DCP1A: variants seen among roughly 807,000 people sequenced by gnomAD.
DCP1A encodes decapping mRNA 1A.
A neutral mutation model predicts 58.0 loss-of-function variants in DCP1A; 20 were observed. That is an observed-to-expected ratio of 0.34 (90% confidence interval 0.24 to 0.50). The LOEUF is 0.50. DCP1A is among the 20% of genes least tolerant of loss of function. DCP1A has a pLI of 0.98. For missense variants in DCP1A, 613 were observed against 712.2 expected (o/e 0.86, Z 1.59); for synonymous variants, 285 against 275.1 (o/e 1.04, Z -0.36).
Position 53,285,786 on chromosome 3 carries a change from G to A in DCP1A, c.*1794C>T, listed in dbSNP as rs1026722944. On this transcript the variant is annotated 3_prime_UTR_variant, in exon 10 of 10. Transcript: ENST00000610213. ...GGTGCGTCCACTTTATGGAAGTCAC[G>A]TGGCTCCCTGGACACCATCTCCCGG... 3 of 152,064 alleles carry A rather than the reference G, an allele frequency of 2.0e-5. No individual in the cohort carries two copies. The highest frequency in any genetic ancestry group is 4.4e-5 in the Non-Finnish European group (3 of 68,022). 9.4% of individuals were successfully genotyped at this position (152,064 alleles called of 1,614,324 possible). A position where few individuals can be genotyped will look rare whatever the true frequency, so the allele number is the denominator to read the frequency against.
intron 2 of DCP1A, 96 bp from the exon 3 acceptor site, chr3:53,342,367 G>A (rs1404612081): frequency 1.0e-6 from 1 of 955,474 alleles, no homozygotes; most frequent in Non-Finnish European, 1.5e-6. Context: ...AAAAAAGAAT[G>A]CATTAGAACA....
intron 3 of DCP1A, among the ~76,000 whole-genome samples, chr3:53,336,845 G>GATTT (rs56054437): frequency 0.33 from 46,853 of 143,930 alleles, 7,888 homozygotes; most frequent in East Asian, 0.45. Flanking sequence ...CCAAAGCCCA[G>GATTT]ATTTATTTAT....
At position 53,312,230 on chromosome 3, in the gene DCP1A, G is replaced by C. The variant is rs1420569113; in HGVS notation, c.510+11C>G. On this transcript the variant is annotated intron_variant, in intron 5 of 9. Coordinates refer to ENST00000610213, the MANE Select transcript of DCP1A (RefSeq NM_018403.7). ...TCCCTGGTCAGCACCCAAGTACCCA[G>C]AGAGCCTCACCCTCTCATACTCATC... 5 of 1,578,146 alleles carry C rather than the reference G, an allele frequency of 3.2e-6. No individual in the cohort carries two copies. The highest frequency in any genetic ancestry group is 2.6e-6 in the Non-Finnish European group (3 of 1,161,936).
intron 3 of DCP1A, 115 bp from the exon 4 acceptor site, chr3:53,319,588 T>C (rs1178224635): frequency 2.0e-5 from 12 of 605,874 alleles, no homozygotes; most frequent in Admixed American, 5.9e-5. Flanking sequence ...GACCCTCAAA[T>C]TGTTAATACT....
intron 9 of DCP1A, 59 bp from the exon 10 acceptor site, chr3:53,287,719 C>T: frequency 7.9e-7 from 1 of 1,272,998 alleles, no homozygotes; most frequent in Non-Finnish European, 1.1e-6. Flanking sequence ...TCAGATTTTA[C>T]TTCCTTGGTA....
chr3:53,307,733 A>G (rs1055984387), intron 5 of DCP1A, among the ~76,000 whole-genome samples: 2 of 152,254 alleles, frequency 1.3e-5, no homozygotes, highest in Admixed American at 1.3e-4. Context: ...TAAAAATCTT[A>G]AAAACATAAA....
intron 3 of DCP1A, among the ~76,000 whole-genome samples, chr3:53,336,822 T>C (rs186200107): frequency 1.7e-3 from 253 of 152,114 alleles, no homozygotes; most frequent in Non-Finnish European, 3.4e-4. Context: ...TAGGAAGACA[T>C]CTTCCTTCTA....
intron 3 of DCP1A, among the ~76,000 whole-genome samples, chr3:53,332,789 C>A (rs551017245): frequency 6.6e-6 from 1 of 151,452 alleles, no homozygotes; most frequent in Non-Finnish European, 1.5e-5. Context: ...GGCGTGAACC[C>A]GGGTCGTGGA....
chr3:53,317,900 G>C (rs1311105078), intron 4 of DCP1A, among the ~76,000 whole-genome samples: 1 of 152,132 alleles, frequency 6.6e-6, no homozygotes, highest in Admixed American at 6.5e-5. Context: ...ACAAAGCAGG[G>C]GGCCGATAAC....
intron 3 of DCP1A, among the ~76,000 whole-genome samples, chr3:53,330,887 C>G (rs934507269): frequency 2.5e-5 from 3 of 118,000 alleles, no homozygotes; most frequent in Non-Finnish European, 4.8e-5. Flanking sequence ...GAGATGGAGT[C>G]TCGCTCTGTT....
intron 3 of DCP1A, among the ~76,000 whole-genome samples, chr3:53,329,693 T>C (rs1249027969): frequency 2.0e-5 from 3 of 152,226 alleles, no homozygotes; most frequent in African/African-American, 7.2e-5. Context: ...ATTCGGGAAA[T>C]GTCTGTGTTC....
chr3:53,290,115 A>G (rs1314950349), intron 8 of DCP1A, among the ~76,000 whole-genome samples: 1 of 152,168 alleles, frequency 6.6e-6, no homozygotes, highest in East Asian at 1.9e-4. Flanking sequence ...AAAGGCTCAA[A>G]GGAAAACAGA....
intron 9 of DCP1A, 136 bp downstream of exon 9, chr3:53,287,929 A>T: frequency 1.2e-6 from 1 of 860,970 alleles, no homozygotes; most frequent in Non-Finnish European, 1.8e-6. Flanking sequence ...TGCTGGGATT[A>T]CAGGTGTGAG....
chr3:53,286,924 A>T lies in DCP1A; in HGVS notation c.*656T>A, dbSNP rs1388620347. The stretch of plus-strand genomic sequence containing the variant: ...CCAGAGCCTGACAGTGCCCTATTCA[A>T]ATGGTAATGCTGCACTGGGGGCCTG... On this transcript the variant is annotated 3_prime_UTR_variant, in exon 10 of 10. Transcript: ENST00000610213. 1 of 152,290 alleles carries T rather than the reference A, an allele frequency of 6.6e-6. No individual in the cohort carries two copies. Among genetic ancestry groups the T allele is most frequent in the African/African-American group, 2.4e-5 (1 of 41,470 alleles). The allele number at this position is 152,290 out of a possible 1,614,324, so 9.4% of individuals were successfully genotyped here.
chr3:53,327,157 G>C (rs1332832451), intron 3 of DCP1A, among the ~76,000 whole-genome samples: 2 of 152,082 alleles, frequency 1.3e-5, no homozygotes, highest in African/African-American at 4.8e-5. Flanking sequence ...AGGTCAGATG[G>C]GGTGTAAAAA....
intron 2 of DCP1A, among the ~76,000 whole-genome samples, chr3:53,343,118 C>T (rs782095066): frequency 4.6e-5 from 7 of 152,126 alleles, no homozygotes; most frequent in Non-Finnish European, 8.8e-5. Flanking sequence ...TGTTTCTCTA[C>T]GATATACCCG....
In DCP1A at chr3:53,342,255, G is replaced by A; in HGVS notation, c.193C>T (p.His65Tyr). 1 of 1,600,326 alleles carries A rather than the reference G, an allele frequency of 6.2e-7. No homozygotes were observed. Among genetic ancestry groups the A allele is most frequent in the Non-Finnish European group, 8.5e-7 (1 of 1,171,478 alleles). ...FVYRRSASPY[H>Y]GFTIVNRLNM... ...AGTCGATTCACAATGGTAAAACCAT[G>A]GTAAGGGGAAGCTGACCTTAGATTT... is the stretch of plus-strand genomic sequence containing the variant. Residue 65 changes from histidine (H) to tyrosine (Y), a missense_variant, in exon 3 of 10, where the codon CAT becomes TAT. Transcript: ENST00000610213.
intron 1 of DCP1A, among the ~76,000 whole-genome samples, chr3:53,346,000 C>T (rs1553693100): frequency 6.6e-6 from 1 of 152,094 alleles, no homozygotes; most frequent in East Asian, 1.9e-4. Context: ...TTTTTCAATT[C>T]AGGTTATTAT....
At chr3:53,329,377 T>C in intron 3 of DCP1A, 1 of 398,582 alleles carries the variant, frequency 2.5e-6, no homozygotes. Flanking sequence ...AAGAGATCGA[T>C]GCCCGATATA....
Sources: allele counts gnomAD v4.1 joint callset (sites outside exome capture counted in the v4.1 genomes callset), GRCh38; gene constraint gnomAD v4.1.1; transcripts MANE v1.5; gene names NCBI Gene and HGNC (gene_info 2026-07-23, HGNC 2026-07-21).